Variants in CD109 observed in about 807,000 individuals in gnomAD.
CD109 encodes the protein CD109 antigen.
In CD109, 149 loss-of-function variants were observed where a neutral mutation model predicts 165.8. The ratio of observed to expected loss-of-function variants is 0.90; its 90% CI spans 0.79 to 1.03. CD109 has a LOEUF of 1.03. Among genes scored for constraint, CD109 ranks in the 50% least tolerant of loss-of-function variants. The pLI is 0.00. For missense variants in CD109, 1,712 were observed against 1,677.8 expected (o/e 1.02, Z -0.36); for synonymous variants, 585 against 592.1 (o/e 0.99, Z 0.18).
chr6:73,750,867 C>T (rs979411905), intron 5 of CD109, among the ~76,000 whole-genome samples: 1 of 152,164 alleles, frequency 6.6e-6, no homozygotes, highest in African/African-American at 2.4e-5. Flanking sequence ...TTCTTCCCTA[C>T]TCCTTGGATA....
intron 22 of CD109, among the ~76,000 whole-genome samples, chr6:73,791,850 C>A (rs1027914236): frequency 6.6e-6 from 1 of 151,404 alleles, no homozygotes; most frequent in East Asian, 1.9e-4. Context: ...CCTTTTTTTT[C>A]ATATTCATTT....
intron 16 of CD109, 81 bp downstream of exon 16, chr6:73,780,579 G>A: frequency 1.1e-6 from 1 of 883,246 alleles, no homozygotes. Context: ...ATCATTTTGA[G>A]ATGTTAACCT....
chr6:73,683,596 A>C, the CD109 span, among the ~76,000 whole-genome samples: 4 of 152,170 alleles, frequency 2.6e-5, no homozygotes, highest in African/African-American at 4.8e-5. Flanking sequence ...ATTTTTGGGT[A>C]CCTTTTCAGC....
Position 73,806,033 on chromosome 6 carries a change from A to C in CD109, c.2961-811A>C, listed in dbSNP as rs891385985. Reference sequence around the variant, plus strand: ...CTGGGTATATACCCAAAGGATTATAAATCATGCTGCTATAAAGACACATGC... The same window carrying C: ...CTGGGTATATACCCAAAGGATTATACATCATGCTGCTATAAAGACACATGC... On this transcript the variant is annotated intron_variant, in intron 24 of 32. Transcript: ENST00000287097. 5.6e-4 allele frequency among the ~76,000 whole-genome samples: 85 copies of C among 152,338 alleles called. 1 individual carries two copies. The highest frequency in any genetic ancestry group is 2.0e-3 in the African/African-American group (82 of 41,574).
At chr6:73,691,255 ATG>A (rs1770685920), upstream of CD109, among the ~76,000 whole-genome samples, 1 of 152,180 alleles carries the variant, frequency 6.6e-6, no homozygotes, top group Admixed American at 6.6e-5. Context: ...ACCCCTTCCA[ATG>A]TCCATCTGAT....
At chr6:73,719,007 A>G (rs1381611599) in intron 2 of CD109, among the ~76,000 whole-genome samples, 1 of 152,244 alleles carries the variant, frequency 6.6e-6, no homozygotes, top group Non-Finnish European at 1.5e-5. Context: ...AAAGAGAAAC[A>G]GGTGAAATTA....
intron 2 of CD109, among the ~76,000 whole-genome samples, chr6:73,709,272 T>G (rs1410394281): frequency 6.6e-6 from 1 of 152,176 alleles, no homozygotes; most frequent in Non-Finnish European, 1.5e-5. Context: ...TTTCCCCATT[T>G]CTTGTTTGTG....
chr6:73,683,497 C>T, the CD109 span, among the ~76,000 whole-genome samples: 2 of 152,296 alleles, frequency 1.3e-5, no homozygotes, highest in South Asian at 4.1e-4. Flanking sequence ...CTAGGAAGTT[C>T]CAAACGTTCC....
chr6:73,762,747 G>T lies in CD109; in HGVS notation c.862G>T (p.Gly288Ter), dbSNP rs765239774. 6.3e-6 allele frequency: 10 copies of T among 1,597,370 alleles called. No individual in the cohort carries two copies. Among genetic ancestry groups the T allele is most frequent in the Admixed American group, 3.5e-5 (2 of 57,492 alleles). The change falls in exon 9 of 33, where the codon GGA (glycine) becomes TGA (stop). Residue 288 changes from glycine to a stop codon, truncating the protein, a stop_gained. Coordinates refer to ENST00000287097, the MANE Select transcript of CD109 (RefSeq NM_133493.5). LOFTEE classifies it high-confidence loss of function. ...KNITKTFKIN[G>*]SANFSFNDEE... Reference sequence around the variant, plus strand: ...GAACTTTTAAACAAAACAGATAAATGGATCTGCAAACTTCTCTTTTAATGA... The same window carrying T: ...GAACTTTTAAACAAAACAGATAAATTGATCTGCAAACTTCTCTTTTAATGA...
At chr6:73,775,363 T>C (rs1774203015) in intron 15 of CD109, among the ~76,000 whole-genome samples, 1 of 152,160 alleles carries the variant, frequency 6.6e-6, no homozygotes, top group Non-Finnish European at 1.5e-5. Flanking sequence ...ACTCCAAATA[T>C]CATACAATTC....
rs1775784162 is a variant in CD109, at chr6:73,812,286, T to A, written c.3768+16T>A. The stretch of plus-strand genomic sequence containing the variant: ...TATTTGTCAGGTATGTAACGATGCT[T>A]ATTTTTTTAAGTTAAATATGACTTT... On this transcript the variant is annotated intron_variant, in intron 29 of 32. Coordinates refer to ENST00000287097, the MANE Select transcript of CD109 (RefSeq NM_133493.5). 5 of 1,548,220 alleles carry A rather than the reference T, an allele frequency of 3.2e-6. No homozygotes were observed. The South Asian group carries it at 5.9e-5, about 18-fold the overall frequency.
chr6:73,749,940 G>A (rs1773125944), intron 5 of CD109, among the ~76,000 whole-genome samples: 1 of 152,190 alleles, frequency 6.6e-6, no homozygotes, highest in South Asian at 2.1e-4. Context: ...TGATTAGAGG[G>A]AGAGAAACTA....
chr6:73,741,168 G>T (rs1228176741), intron 5 of CD109, among the ~76,000 whole-genome samples: 2 of 151,660 alleles, frequency 1.3e-5, no homozygotes, highest in Non-Finnish European at 2.9e-5. Context: ...TAATGTTTAA[G>T]ACCTCTTAAA....
At chr6:73,712,190 C>G (rs965115224) in intron 2 of CD109, among the ~76,000 whole-genome samples, 1 of 135,916 alleles carries the variant, frequency 7.4e-6, no homozygotes, top group African/African-American at 2.7e-5. Context: ...GCCTGGGCAA[C>G]GAAGCGAGAC....
intron 23 of CD109, 82 bp downstream of exon 23, chr6:73,792,884 A>G: frequency 5.8e-6 from 6 of 1,041,690 alleles, no homozygotes; most frequent in Non-Finnish European, 6.9e-6. Flanking sequence ...CCATATTTCA[A>G]AATAGATGGA....
At chr6:73,801,522 T>C (rs1775359919) in intron 23 of CD109, among the ~76,000 whole-genome samples, 1 of 152,256 alleles carries the variant, frequency 6.6e-6, no homozygotes. Context: ...AATATCACCA[T>C]GAAACAGAGT....
chr6:73,688,729 C>G, the CD109 span, among the ~76,000 whole-genome samples: 203 of 146,854 alleles, frequency 1.4e-3, no homozygotes, highest in Non-Finnish European at 2.3e-3. Flanking sequence ...CATAAAAATT[C>G]CTGGATTATA....
At chr6:73,736,212 T>G (rs1042572067) in intron 4 of CD109, among the ~76,000 whole-genome samples, 171 bp from the exon 5 acceptor site, 3 of 152,208 alleles carry the variant, frequency 2.0e-5, no homozygotes, top group Non-Finnish European at 4.4e-5. Flanking sequence ...ATCTCTAATG[T>G]GTCTCCTTCT....
intron 7 of CD109, 57 bp from the exon 8 acceptor site, chr6:73,762,327 T>C: frequency 9.3e-7 from 1 of 1,072,436 alleles, no homozygotes; most frequent in Non-Finnish European, 1.4e-6. Flanking sequence ...AGTATTTTTA[T>C]TGTGTTCTGA....
Sources: gnomAD v4.1 joint callset for allele counts (sites outside exome capture counted in the v4.1 genomes callset) on GRCh38, gnomAD v4.1.1 for gene constraint, MANE v1.5 for transcripts, NCBI Gene and HGNC (gene_info 2026-07-23, HGNC 2026-07-21) for gene names.